Variants in AOPEP observed in about 807,000 individuals in gnomAD.
AOPEP encodes aminopeptidase O.
In AOPEP, 77 loss-of-function variants were observed where a neutral mutation model predicts 98.1. The observed-to-expected ratio is 0.78, with a 90% CI of 0.65 to 0.95. The LOEUF is 0.95. Among genes scored for constraint, AOPEP ranks in the 40% least tolerant of loss-of-function variants. The pLI is 0.00. For synonymous variants in AOPEP, 346 were observed against 365.3 expected (o/e 0.95, Z 0.60); for missense variants, 1,024 against 1,024.7 (o/e 1.00, Z 0.01).
chr9:94,915,297 C>A (rs1222330313), intron 5 of AOPEP, among the ~76,000 whole-genome samples: 2 of 152,090 alleles, frequency 1.3e-5, no homozygotes, highest in Admixed American at 6.5e-5. Flanking sequence ...TTTTTCTTTT[C>A]TTTCTGCTCT....
chr9:94,957,832 A>G (rs2058568452), intron 9 of AOPEP, among the ~76,000 whole-genome samples: 1 of 152,150 alleles, frequency 6.6e-6, no homozygotes. Context: ...AGCTTTATTA[A>G]CGTAATGTTT....
the AOPEP span, among the ~76,000 whole-genome samples, chr9:95,131,228 T>C: frequency 6.6e-6 from 1 of 152,216 alleles, no homozygotes; most frequent in Admixed American, 6.5e-5. Flanking sequence ...TTCTCTGTGT[T>C]TGGACACAGA....
the AOPEP span, among the ~76,000 whole-genome samples, chr9:95,133,020 G>A: frequency 6.6e-6 from 1 of 152,300 alleles, no homozygotes; most frequent in Middle Eastern, 3.4e-3. Context: ...GTTTCCTCTG[G>A]AGCACAGCGC....
intron 14 of AOPEP, among the ~76,000 whole-genome samples, chr9:95,063,074 G>A (rs1040592377): frequency 3.9e-5 from 6 of 152,194 alleles, no homozygotes; most frequent in Non-Finnish European, 8.8e-5. Context: ...GTATGTAGCA[G>A]GCCTCAGGAC....
intron 5 of AOPEP, among the ~76,000 whole-genome samples, chr9:94,911,628 CTA>C (rs1477418163): frequency 1.3e-5 from 2 of 152,142 alleles, no homozygotes; most frequent in Non-Finnish European, 2.9e-5. Flanking sequence ...AAATGTGACT[CTA>C]TGGCAAAAGA....
At chr9:94,774,082 CTTTATTT>C (rs1841509377) in intron 3 of AOPEP, among the ~76,000 whole-genome samples, 2 of 152,020 alleles carry the variant, frequency 1.3e-5, no homozygotes, top group African/African-American at 4.8e-5. Context: ...TATATTATTT[CTTTATTT>C]AAAATATGGC....
Position 94,886,115 on chromosome 9 carries a change from T to C in AOPEP, c.1365-37871T>C, listed in dbSNP as rs79971621. On this transcript the variant is annotated intron_variant, in intron 5 of 16. Transcript: ENST00000375315. ...TAAAACCACAAAGCTTTGTGGACAA[T>C]GGAGAGGTCTGTATGGAACCCAAGG... is the stretch of plus-strand genomic sequence containing the variant. 7.4e-3 allele frequency among the ~76,000 whole-genome samples: 1,130 copies of C among 152,124 alleles called. 14 individuals carry two copies. The highest frequency in any genetic ancestry group is 0.026 in the African/African-American group (1,091 of 41,490).
Position 94,983,758 on chromosome 9 carries a change from C to T in AOPEP, c.1977+4331C>T, listed in dbSNP as rs143127914. Among the ~76,000 whole-genome samples the T allele has an allele frequency of 2.9e-3, 439 of 152,254 alleles. 1 individual carries two copies. Among genetic ancestry groups the T allele is most frequent in the Middle Eastern group, 0.01 (3 of 294 alleles). On this transcript the variant is annotated intron_variant, in intron 11 of 16. Transcript: ENST00000375315. The stretch of plus-strand genomic sequence containing the variant: ...AGCCTGCCTTTGTGCATGCCCTTTG[C>T]TCCTTGGCATGCTTTCCTCTCCCTC...
chr9:94,849,610 G>A (rs1007058621), intron 5 of AOPEP, among the ~76,000 whole-genome samples: 2 of 151,548 alleles, frequency 1.3e-5, no homozygotes, highest in East Asian at 1.9e-4. Flanking sequence ...TTCCACGGGG[G>A]TGGGGAGGAG....
intron 9 of AOPEP, among the ~76,000 whole-genome samples, chr9:94,963,435 C>T (rs560933020): frequency 5.9e-5 from 9 of 151,752 alleles, no homozygotes; most frequent in African/African-American, 9.7e-5. Context: ...AAGCTGTATG[C>T]GATGGACCTG....
At position 94,978,500 on chromosome 9, in the gene AOPEP, C is replaced by T. The variant is rs528315679; in HGVS notation, c.1917-867C>T. ...GTAGTCGAACAAATAGTCACAAACT[C>T]GGGTGGAGGCTGTGAGGCAGAGAAC... On this transcript the variant is annotated intron_variant, in intron 10 of 16. Transcript: ENST00000375315. 5.3e-5 allele frequency among the ~76,000 whole-genome samples: 8 copies of T among 152,118 alleles called. No homozygotes were observed. The East Asian group carries it at 7.7e-4, about 15-fold the overall frequency.
At chr9:95,121,342 G>A in the AOPEP span, among the ~76,000 whole-genome samples, 1 of 152,098 alleles carries the variant, frequency 6.6e-6, no homozygotes, top group Admixed American at 6.5e-5. Context: ...AAGAGGAAAG[G>A]GTAAGAAGAG....
intron 3 of AOPEP, among the ~76,000 whole-genome samples, chr9:94,790,305 T>C (rs1434647998): frequency 3.3e-5 from 5 of 151,982 alleles, no homozygotes; most frequent in Non-Finnish European, 5.9e-5. Context: ...TAGCTGGGAT[T>C]ACAGGCACGT....
intron 13 of AOPEP, among the ~76,000 whole-genome samples, chr9:95,026,388 C>G (rs990915983): frequency 2.0e-5 from 3 of 152,192 alleles, no homozygotes; most frequent in Non-Finnish European, 2.9e-5. Flanking sequence ...ACCTGTAAAT[C>G]TACTTCTTGT....
chr9:94,744,140 A>T (rs983224954), intron 1 of AOPEP, among the ~76,000 whole-genome samples: 1 of 141,038 alleles, frequency 7.1e-6, no homozygotes, highest in Non-Finnish European at 1.5e-5. Flanking sequence ...TATGCCTGTA[A>T]TCCAGACTTT....
intron 13 of AOPEP, among the ~76,000 whole-genome samples, chr9:95,054,177 G>A (rs1202809739): frequency 6.6e-6 from 1 of 152,194 alleles, no homozygotes; most frequent in African/African-American, 2.4e-5. Context: ...TGAATAGACA[G>A]AATCACTTAG....
chr9:94,775,392 A>G, intron 3 of AOPEP, among the ~76,000 whole-genome samples: 1 of 148,172 alleles, frequency 6.7e-6, no homozygotes. Flanking sequence ...TTTTTTTGAG[A>G]CAGAGTCTTG....
At chr9:95,050,588 T>G (rs2066256187) in intron 13 of AOPEP, among the ~76,000 whole-genome samples, 1 of 152,180 alleles carries the variant, frequency 6.6e-6, no homozygotes, top group Non-Finnish European at 1.5e-5. Flanking sequence ...TCCATTATTT[T>G]TCCAGCAATC....
the AOPEP span, among the ~76,000 whole-genome samples, chr9:95,143,339 C>T: frequency 3.3e-5 from 5 of 152,132 alleles, no homozygotes; most frequent in African/African-American, 1.2e-4. Flanking sequence ...ACAATGTAAG[C>T]ACGACTGATT....
Sources: gnomAD v4.1 joint callset for allele counts (sites outside exome capture counted in the v4.1 genomes callset) on GRCh38, gnomAD v4.1.1 for gene constraint, MANE v1.5 for transcripts, NCBI Gene and HGNC (gene_info 2026-07-23, HGNC 2026-07-21) for gene names.